ARID2: variants seen among roughly 807,000 people sequenced by gnomAD.
ARID2 encodes AT-rich interaction domain 2, also known as AT-rich interactive domain-containing protein 2.
In ARID2, 32 loss-of-function variants were observed where a neutral mutation model predicts 184.6. The ratio of observed to expected loss-of-function variants is 0.17; its 90% CI spans 0.13 to 0.23. ARID2 has a LOEUF of 0.23. Ranked by LOEUF, ARID2 falls within the 10% of genes least tolerant of loss-of-function variation. The pLI is 1.00. For missense variants in ARID2, 1,696 were observed against 2,197.6 expected, an observed-to-expected ratio of 0.77 and a Z score of 4.56; for synonymous variants, 836 against 772.6, an observed-to-expected ratio of 1.08 and a Z score of -1.36.
chr12:45,899,886 T>G (rs1944434988), intron 20 of ARID2, among the ~76,000 whole-genome samples: 1 of 151,514 alleles, frequency 6.6e-6, no homozygotes, highest in Non-Finnish European at 1.5e-5. Flanking sequence ...TTATCTAATT[T>G]TATACATTTA....
At chr12:45,830,745 C>A (rs960037528) in intron 6 of ARID2, among the ~76,000 whole-genome samples, 27 of 152,018 alleles carry the variant, frequency 1.8e-4, no homozygotes, top group Non-Finnish European at 2.1e-4. Context: ...TCACTAATCA[C>A]ATGAAATCAA....
chr12:45,778,545 CTA>C (rs1444810228), intron 3 of ARID2, among the ~76,000 whole-genome samples: 1 of 152,014 alleles, frequency 6.6e-6, no homozygotes, highest in Non-Finnish European at 1.5e-5. Flanking sequence ...AAGAAAAAGA[CTA>C]TAGGTCCTAG....
At chr12:45,833,238 T>C (rs1943154923) in intron 6 of ARID2, among the ~76,000 whole-genome samples, 1 of 152,144 alleles carries the variant, frequency 6.6e-6, no homozygotes, top group South Asian at 2.1e-4. Flanking sequence ...CATTACGATG[T>C]TTTAGACTTA....
At chr12:45,731,078 ACT>A (rs1295825354) in intron 2 of ARID2, 137 bp from the exon 3 acceptor site, 12 of 636,416 alleles carry the variant, frequency 1.9e-5, no homozygotes, top group South Asian at 1.5e-4. Flanking sequence ...TTGCTTAGTA[ACT>A]CTTACCGATC....
intron 16 of ARID2, among the ~76,000 whole-genome samples, chr12:45,879,708 CT>C (rs1230207981): frequency 2.0e-5 from 3 of 152,126 alleles, no homozygotes; most frequent in Non-Finnish European, 4.4e-5. Flanking sequence ...TGACTTGCAG[CT>C]TTTTACATGT....
At position 45,846,887 on chromosome 12, in the gene ARID2, T is replaced by C. The variant is rs111336519; in HGVS notation, c.1530T>C (p.Ala510=). 1 of 1,613,194 alleles carries C rather than the reference T, an allele frequency of 6.2e-7. No individual in the cohort carries two copies. The highest frequency in any genetic ancestry group is 1.1e-5 in the South Asian group (1 of 91,026). Residue 510 remains alanine, a synonymous_variant, in exon 12 of 21, where the codon GCT becomes GCC. Coordinates refer to ENST00000334344, the MANE Select transcript of ARID2 (RefSeq NM_152641.4). ...GAGCAGTTGTAGCGCAGCATGTTGCTCCACCTCCAGGAATAGTGGAAATAG... is the reference window on the plus strand; with the variant it reads ...GAGCAGTTGTAGCGCAGCATGTTGCCCCACCTCCAGGAATAGTGGAAATAG... ...ASRAVVAQHV[A]PPPGIVEIDS...
intron 4 of ARID2, among the ~76,000 whole-genome samples, chr12:45,814,902 C>G (rs1392758718): frequency 6.6e-6 from 1 of 152,156 alleles, no homozygotes; most frequent in East Asian, 1.9e-4. Flanking sequence ...CAAATGAAAG[C>G]AAGCACATCA....
intron 15 of ARID2, among the ~76,000 whole-genome samples, chr12:45,853,540 AAAC>A (rs1299326167): frequency 1.3e-5 from 2 of 152,186 alleles, no homozygotes; most frequent in African/African-American, 4.8e-5. Context: ...GCCTTAGTAA[AAAC>A]AAGTATTTTC....
In ARID2 at chr12:45,904,949, T is replaced by A. The variant is rs375149291; in HGVS notation, c.5379T>A (p.His1793Gln). ...TTTTTTGCAGATTGTTAAAGAGACA[T>A]GAAAATAACTTATCAGTGCTAGCCA... Reference protein sequence around the residue: ...SECGRRLLKRHENNLSVLAIS... With the variant: ...SECGRRLLKRQENNLSVLAIS... The change falls in exon 21 of 21, where the codon CAT (histidine) becomes CAA (glutamine). Residue 1793 changes from histidine (H) to glutamine (Q), a missense_variant. His to Gln is a conservative substitution (Grantham distance 24). Around this residue, in one of 11 missense-constraint regions of ARID2, gnomAD observed 69 missense variants for 118.2 expected, o/e 0.58. Transcript: ENST00000334344. 2 of 1,613,670 alleles carry A rather than the reference T, an allele frequency of 1.2e-6. No individual in the cohort carries two copies. Among genetic ancestry groups the A allele is most frequent in the Non-Finnish European group, 1.7e-6 (2 of 1,179,912 alleles).
chr12:45,870,287 C>A, intron 16 of ARID2, among the ~76,000 whole-genome samples: 1 of 152,122 alleles, frequency 6.6e-6, no homozygotes, highest in East Asian at 1.9e-4. Context: ...TGTGTCCGGC[C>A]AAAACCACGT....
chr12:45,893,327 C>A, intron 18 of ARID2, 93 bp from the exon 19 acceptor site: 2 of 1,388,496 alleles, frequency 1.4e-6, no homozygotes, highest in Non-Finnish European at 1.9e-6. Context: ...TTAAAATAAC[C>A]AGCTTAAAGG....
intron 11 of ARID2, among the ~76,000 whole-genome samples, chr12:45,845,639 C>T (rs1318927606): frequency 2.6e-5 from 4 of 152,096 alleles, no homozygotes; most frequent in Admixed American, 2.6e-4. Flanking sequence ...TAAATGGCTA[C>T]AATTAGCTGT....
intron 16 of ARID2, chr12:45,881,813 G>A (rs932689437): frequency 9.4e-5 from 21 of 223,458 alleles, no homozygotes; most frequent in Admixed American, 4.7e-4. Context: ...CTGGGTTCCT[G>A]TGCCCCTTTT....
rs2138130153 is a variant in ARID2, at chr12:45,837,330, G to A, written c.1033G>A (p.Asp345Asn). The change falls in exon 9 of 21, where the codon GAC becomes AAC. Residue 345 changes from aspartate (D) to asparagine (N), a missense_variant. Transcript: ENST00000334344. ...LGNIAAELLL[D>N]PVDFKTTHLM... is the part of the protein sequence containing the mutation. ...TTGTTTCTTTTTCCAGCTTTTACTG[G>A]ACCCTGTTGATTTCAAAACTACTCA... is the stretch of plus-strand genomic sequence containing the variant. The A allele has an allele frequency of 6.2e-7, 1 of 1,606,526 alleles. No individual in the cohort carries two copies. Among genetic ancestry groups the A allele is most frequent in the South Asian group, 1.1e-5 (1 of 88,812 alleles).
At chr12:45,758,012 A>T (rs1190879703) in intron 3 of ARID2, among the ~76,000 whole-genome samples, 2 of 152,230 alleles carry the variant, frequency 1.3e-5, no homozygotes, top group East Asian at 3.8e-4. Context: ...ATAGTCATTT[A>T]TGAATTCCCT....
intron 13 of ARID2, 45 bp from the exon 14 acceptor site, chr12:45,849,535 A>T (rs770802100): frequency 1.3e-6 from 2 of 1,483,802 alleles, no homozygotes; most frequent in Non-Finnish European, 1.9e-6. Context: ...TTAGAAGTCA[A>T]TGTGATAGTT....
At chr12:45,857,223 A>G (rs961975366) in intron 15 of ARID2, among the ~76,000 whole-genome samples, 3 of 152,244 alleles carry the variant, frequency 2.0e-5, no homozygotes, top group African/African-American at 7.2e-5. Context: ...TTCAGAGTGT[A>G]AATCATTCCT....
chr12:45,834,623 A>G (rs1189745036), intron 6 of ARID2, among the ~76,000 whole-genome samples: 5 of 152,084 alleles, frequency 3.3e-5, no homozygotes, highest in Admixed American at 3.3e-4. Flanking sequence ...CGCACCTATA[A>G]TCCCAGCTAC....
intron 16 of ARID2, among the ~76,000 whole-genome samples, chr12:45,869,010 G>GTTGCAA (rs1943874296): frequency 7.2e-6 from 1 of 138,378 alleles, no homozygotes; most frequent in Non-Finnish European, 1.5e-5. Context: ...TGGGATTTGG[G>GTTGCAA]TTGCAATTGC....
Sources: gnomAD v4.1 joint callset for allele counts (sites outside exome capture counted in the v4.1 genomes callset) on GRCh38, gnomAD v4.1.1 for gene constraint, gnomAD v4.1.1 regional missense constraint, MANE v1.5 for transcripts, NCBI Gene and HGNC (gene_info 2026-07-23, HGNC 2026-07-21) for gene names.